The following SLC9A9 variants were observed in gnomAD, a reference collection of about 807,000 sequenced individuals.
The protein encoded by SLC9A9 is sodium/hydrogen exchanger 9.
SLC9A9 carries 62 observed loss-of-function variants against 77.8 expected under a neutral mutation model. The ratio of observed to expected loss-of-function variants is 0.80; its 90% CI spans 0.65 to 0.98. The LOEUF (loss-of-function observed/expected upper bound fraction) is 0.98, where lower values mean the gene tolerates loss of function less well. Ranked by LOEUF, SLC9A9 falls within the 50% of genes least tolerant of loss-of-function variation. The pLI is 0.00. For missense variants in SLC9A9, 775 were observed against 774.9 expected (o/e 1.00, Z 0.00); for synonymous variants, 320 against 283.5 (o/e 1.13, Z -1.29).
At chr3:143,712,265 GA>G (rs1934217448) in intron 4 of SLC9A9, among the ~76,000 whole-genome samples, 1 of 152,138 alleles carries the variant, frequency 6.6e-6, no homozygotes, top group Non-Finnish European at 1.5e-5. Flanking sequence ...CTTCTCTGGG[GA>G]AAAAAGCACC....
Position 143,382,108 on chromosome 3 carries a change from G to C in SLC9A9, c.1476C>G (p.Gly492=). 1 of 1,614,008 alleles carries C rather than the reference G, an allele frequency of 6.2e-7. No homozygotes were observed. The highest frequency in any genetic ancestry group is 2.2e-5 in the East Asian group (1 of 44,878). The change falls in exon 13 of 16, where the codon GGC becomes GGG. Residue 492 remains glycine, a synonymous_variant. Transcript: ENST00000316549. The part of the protein sequence containing the change: ...PMLTWLQIRV[G]VDLDENLKED... The stretch of plus-strand genomic sequence containing the variant: ...CCTTCAGATTTTCATCCAGGTCCAC[G>C]CCAACTCTGTTAAACAAAACCAAAA...
At chr3:143,698,387 C>G (rs893353102) in intron 4 of SLC9A9, among the ~76,000 whole-genome samples, 1 of 152,226 alleles carries the variant, frequency 6.6e-6, no homozygotes, top group Non-Finnish European at 1.5e-5. Flanking sequence ...CATATAAAGA[C>G]AGAAATCCAT....
chr3:143,460,411 C>T (rs1311276633), intron 12 of SLC9A9, among the ~76,000 whole-genome samples: 1 of 149,230 alleles, frequency 6.7e-6, no homozygotes, highest in African/African-American at 2.5e-5. Context: ...GTTCCATCTA[C>T]TGCATTCAAA....
At chr3:143,658,315 T>G (rs1294676885) in intron 5 of SLC9A9, among the ~76,000 whole-genome samples, 1 of 152,256 alleles carries the variant, frequency 6.6e-6, no homozygotes, top group African/African-American at 2.4e-5. Flanking sequence ...ATTTCCTCTC[T>G]GTTGAGAATC....
At chr3:143,552,474 T>TA (rs2036908899) in intron 8 of SLC9A9, 24 bp from the exon 9 acceptor site, 1 of 1,601,696 alleles carries the variant, frequency 6.2e-7, no homozygotes, top group African/African-American at 1.3e-5. Context: ...AACAGATCAG[T>TA]CAAAACCAAT....
At chr3:143,531,898 TC>T (rs2036515507) in intron 9 of SLC9A9, among the ~76,000 whole-genome samples, 1 of 152,206 alleles carries the variant, frequency 6.6e-6, no homozygotes, top group Non-Finnish European at 1.5e-5. Flanking sequence ...TACTAAGACA[TC>T]CTTTGATTTG....
intron 2 of SLC9A9, among the ~76,000 whole-genome samples, chr3:143,825,763 AC>A (rs956057728): frequency 2.0e-5 from 3 of 152,336 alleles, no homozygotes; most frequent in Admixed American, 2.0e-4. Context: ...TTTTTGCATT[AC>A]AGTCAACTTA....
chr3:143,584,923 C>T (rs1375349581), intron 6 of SLC9A9, among the ~76,000 whole-genome samples: 1 of 152,240 alleles, frequency 6.6e-6, no homozygotes, highest in African/African-American at 2.4e-5. Flanking sequence ...GCTCCTCCTC[C>T]TCACACCTGG....
intron 4 of SLC9A9, among the ~76,000 whole-genome samples, chr3:143,751,031 T>G (rs1014089221): frequency 8.5e-5 from 13 of 152,144 alleles, no homozygotes; most frequent in African/African-American, 3.1e-4. Flanking sequence ...CAGAACCAGT[T>G]TTCAGGGCTG....
chr3:143,663,352 T>C (rs932302969), intron 5 of SLC9A9, among the ~76,000 whole-genome samples: 1 of 152,094 alleles, frequency 6.6e-6, no homozygotes, highest in South Asian at 2.1e-4. Flanking sequence ...ACCACAAAGA[T>C]GGGGAGAAAC....
At chr3:143,306,479 T>G (rs923024997) in intron 14 of SLC9A9, among the ~76,000 whole-genome samples, 1 of 152,246 alleles carries the variant, frequency 6.6e-6, no homozygotes, top group Non-Finnish European at 1.5e-5. Context: ...GTGCCTGGCA[T>G]GTAGTAAGCA....
At chr3:143,760,000 A>G (rs2007062101) in intron 4 of SLC9A9, among the ~76,000 whole-genome samples, 1 of 152,134 alleles carries the variant, frequency 6.6e-6, no homozygotes, top group South Asian at 2.1e-4. Flanking sequence ...GCACTTTCAC[A>G]TAGGAACTGA....
intron 4 of SLC9A9, among the ~76,000 whole-genome samples, chr3:143,742,690 G>A (rs1174335486): frequency 3.3e-5 from 5 of 152,076 alleles, no homozygotes; most frequent in Admixed American, 3.3e-4. Flanking sequence ...TAAAAACTAG[G>A]AAAGTCAAAT....
chr3:143,717,083 G>A (rs761074072), intron 4 of SLC9A9, among the ~76,000 whole-genome samples: 8 of 149,064 alleles, frequency 5.4e-5, no homozygotes, highest in Non-Finnish European at 1.2e-4. Flanking sequence ...GTATGCCATG[G>A]CAGAACCCCT....
chr3:143,319,248 G>T lies in SLC9A9; in HGVS notation c.1604+44236C>A, dbSNP rs538556779. Among the ~76,000 whole-genome samples the T allele has an allele frequency of 2.2e-4, 34 of 152,286 alleles. 1 individual carries two copies. In the South Asian group the frequency reaches 5.2e-3, roughly 23 times the overall value. On this transcript the variant is annotated intron_variant, in intron 14 of 15. Coordinates refer to ENST00000316549, the MANE Select transcript of SLC9A9 (RefSeq NM_173653.4). ...AAGCCAAAAAGACTATGGTCCTCAAGGTGCGCCCCAAACAGCCAGGACACA... is the reference window on the plus strand; with the variant it reads ...AAGCCAAAAAGACTATGGTCCTCAATGTGCGCCCCAAACAGCCAGGACACA...
intron 14 of SLC9A9, among the ~76,000 whole-genome samples, chr3:143,319,588 C>T (rs1357305539): frequency 6.6e-6 from 1 of 152,178 alleles, no homozygotes; most frequent in Middle Eastern, 3.2e-3. Flanking sequence ...GTTTAATTAG[C>T]AGGCAATGTT....
intron 13 of SLC9A9, 98 bp downstream of exon 13, chr3:143,381,962 G>C: frequency 7.1e-7 from 1 of 1,409,044 alleles, no homozygotes. Context: ...GCTCCGTTTA[G>C]AAATAGCTCC....
At chr3:143,458,144 T>A (rs2108561974) in intron 12 of SLC9A9, among the ~76,000 whole-genome samples, 1 of 152,294 alleles carries the variant, frequency 6.6e-6, no homozygotes, top group Admixed American at 6.5e-5. Context: ...TTTATATAGT[T>A]CTGTCTTTTT....
At chr3:143,664,562 A>T (rs1440749957) in intron 5 of SLC9A9, among the ~76,000 whole-genome samples, 1 of 152,228 alleles carries the variant, frequency 6.6e-6, no homozygotes. Flanking sequence ...AAGACCCATC[A>T]GTGTGCTGTA....
Sources: allele counts gnomAD v4.1 joint callset (sites outside exome capture counted in the v4.1 genomes callset), GRCh38; gene constraint gnomAD v4.1.1; transcripts MANE v1.5; gene names NCBI Gene and HGNC (gene_info 2026-07-23, HGNC 2026-07-21).